Variants in PTPRZ1 observed in about 807,000 individuals in gnomAD.
PTPRZ1 encodes receptor-type tyrosine-protein phosphatase zeta.
A neutral mutation model predicts 214.1 loss-of-function variants in PTPRZ1; 82 were observed. The observed-to-expected ratio is 0.38, with a 90% confidence interval of 0.32 to 0.46. The LOEUF is 0.46. Among genes scored for constraint, PTPRZ1 ranks in the 20% least tolerant of loss-of-function variants. The pLI is 1.00. For missense variants in PTPRZ1, 2,603 were observed against 2,748.7 expected, an observed-to-expected ratio of 0.95 and a Z score of 1.19; for synonymous variants, 945 against 987.9, an observed-to-expected ratio of 0.96 and a Z score of 0.81.
intron 21 of PTPRZ1, among the ~76,000 whole-genome samples, chr7:122,042,197 C>T (rs1428518584): frequency 3.3e-5 from 5 of 152,150 alleles, no homozygotes; most frequent in Admixed American, 3.3e-4. Context: ...TACCTGGAAA[C>T]ATAGACCTAG....
intron 1 of PTPRZ1, among the ~76,000 whole-genome samples, chr7:121,916,910 G>A (rs890496280): frequency 3.3e-5 from 5 of 152,164 alleles, no homozygotes; most frequent in Non-Finnish European, 1.5e-5. Context: ...AAGTTCCATG[G>A]AGAATGCAAC....
chr7:121,968,181 T>A lies in PTPRZ1; in HGVS notation c.304+51T>A, dbSNP rs1187545595. ...TTTAATATATTTTTCAGACCTGGAG[T>A]ATGTTTAGACTAGTTTCATCTCATT... is the stretch of plus-strand genomic sequence containing the variant. On this transcript the variant is annotated intron_variant, in intron 3 of 29. Transcript: ENST00000393386. The A allele has an allele frequency of 6.8e-6, 10 of 1,477,404 alleles. No individual in the cohort carries two copies. The Admixed American group carries it at 1.2e-4, about 18-fold the overall frequency. 91.5% of individuals were successfully genotyped at this position (1,477,404 alleles called of 1,614,324 possible).
At chr7:122,046,060 G>T (rs911263488) in intron 23 of PTPRZ1, among the ~76,000 whole-genome samples, 2 of 152,124 alleles carry the variant, frequency 1.3e-5, no homozygotes, top group Admixed American at 6.5e-5. Context: ...GCGCAAACAA[G>T]AATTTGTAAA....
Position 122,039,586 on chromosome 7 carries a change from A to G in PTPRZ1, c.5635A>G (p.Lys1879Glu). Residue 1879 changes from lysine (K) to glutamate (E), a missense_variant and splice_region_variant, in exon 20 of 30, where the codon AAG becomes GAG. Lys to Glu is a moderately conservative substitution (Grantham distance 56). Transcript: ENST00000393386. ...TACTCTAAGAAACACAAAAATAAAA[A>G]AGGTGAGTCAACAAAATGATGGGCA... Reference protein sequence around the residue: ...NFTLRNTKIKKGSQKGRPSGR... With the variant: ...NFTLRNTKIKEGSQKGRPSGR... 1 of 1,613,184 alleles carries G rather than the reference A, an allele frequency of 6.2e-7. No individual in the cohort carries two copies. Among genetic ancestry groups the G allele is most frequent in the Non-Finnish European group, 8.5e-7 (1 of 1,179,790 alleles).
At chr7:121,909,954 A>G (rs747108906) in intron 1 of PTPRZ1, among the ~76,000 whole-genome samples, 2 of 152,174 alleles carry the variant, frequency 1.3e-5, no homozygotes, top group Non-Finnish European at 2.9e-5. Context: ...AACTACATGC[A>G]TGTCTAACAA....
chr7:121,942,628 A>G (rs1483361009), intron 2 of PTPRZ1, among the ~76,000 whole-genome samples: 1 of 152,204 alleles, frequency 6.6e-6, no homozygotes, highest in Non-Finnish European at 1.5e-5. Flanking sequence ...AGTCTCATTG[A>G]TGAGTTTTTA....
Position 122,034,282 on chromosome 7 carries a change from G to A in PTPRZ1, c.5188G>A (p.Glu1730Lys). 1.2e-6 allele frequency: 2 copies of A among 1,611,090 alleles called. No homozygotes were observed. The highest frequency in any genetic ancestry group is 1.7e-6 in the Non-Finnish European group (2 of 1,178,710). The change falls in exon 17 of 30, where the codon GAA becomes AAA. Residue 1730 changes from glutamate (E) to lysine (K), a missense_variant and splice_region_variant. Glu to Lys is a moderately conservative substitution (Grantham distance 56). Around this residue, in one of 6 missense-constraint regions of PTPRZ1, gnomAD observed 1,913 missense variants for 1,914.3 expected, o/e 1.00. Coordinates refer to ENST00000393386, the MANE Select transcript of PTPRZ1 (RefSeq NM_002851.3). Reference protein sequence around the residue: ...EFETLKEFYQEVQSCTVDLGI... With the variant: ...EFETLKEFYQKVQSCTVDLGI... ...ATGATTTACATATAATTTTTTACAG[G>A]AAGTGCAGAGCTGTACTGTTGACTT...
intron 6 of PTPRZ1, among the ~76,000 whole-genome samples, chr7:121,983,298 G>A (rs756464461): frequency 2.0e-4 from 30 of 152,094 alleles, no homozygotes; most frequent in African/African-American, 2.7e-4. Flanking sequence ...ACTAGTACAG[G>A]CTTTGATGAT....
chr7:122,045,335 G>A (rs973069866), intron 23 of PTPRZ1, among the ~76,000 whole-genome samples: 2 of 152,100 alleles, frequency 1.3e-5, no homozygotes, highest in Non-Finnish European at 2.9e-5. Context: ...GAAGAATTTG[G>A]AAGACCTTAG....
intron 1 of PTPRZ1, among the ~76,000 whole-genome samples, chr7:121,886,849 T>C (rs1794413720): frequency 6.6e-6 from 1 of 152,144 alleles, no homozygotes; most frequent in African/African-American, 2.4e-5. Context: ...TTTTTTCTAC[T>C]CATCAGGGGA....
chr7:122,034,942 C>T (rs75556825), intron 17 of PTPRZ1, among the ~76,000 whole-genome samples: 3 of 152,122 alleles, frequency 2.0e-5, no homozygotes, highest in East Asian at 3.9e-4. Flanking sequence ...TGCAATTTTA[C>T]GTAATATTTC....
Position 122,061,212 on chromosome 7 carries a change from T to C in PTPRZ1, c.6940T>C (p.Leu2314=). ...DGNIAESLES[L]V ...AAATATAGCTGAGAGCTTAGAGTCTTTAGTTTAACACAGAAAGGGGTGGGG... is the reference window on the plus strand; with the variant it reads ...AAATATAGCTGAGAGCTTAGAGTCTCTAGTTTAACACAGAAAGGGGTGGGG... The change falls in exon 30 of 30, where the codon TTA becomes CTA. Residue 2314 remains leucine, a synonymous_variant. Coordinates refer to ENST00000393386, the MANE Select transcript of PTPRZ1 (RefSeq NM_002851.3). The C allele has an allele frequency of 6.3e-7, 1 of 1,596,814 alleles. No homozygotes were observed. Among genetic ancestry groups the C allele is most frequent in the Non-Finnish European group, 8.5e-7 (1 of 1,170,240 alleles).
At chr7:121,919,337 T>G (rs913910778) in intron 1 of PTPRZ1, among the ~76,000 whole-genome samples, 1 of 152,080 alleles carries the variant, frequency 6.6e-6, no homozygotes, top group African/African-American at 2.4e-5. Flanking sequence ...TTCTTAAAAC[T>G]TCTGTGCTCA....
rs1799729284 is a variant in PTPRZ1, at chr7:122,041,392, G to A, written c.5801+413G>A. ...ATTATTATGCCAGGCTTGTATCACA[G>A]AAGCCAAAGCACACAGATTGTGAGA... On this transcript the variant is annotated intron_variant, in intron 21 of 29. Coordinates refer to ENST00000393386, the MANE Select transcript of PTPRZ1 (RefSeq NM_002851.3). 2.0e-5 allele frequency among the ~76,000 whole-genome samples: 3 copies of A among 148,532 alleles called. No homozygotes were observed. The South Asian group carries it at 6.3e-4, about 31-fold the overall frequency.
At chr7:121,952,997 AT>A (rs1401066017) in intron 2 of PTPRZ1, among the ~76,000 whole-genome samples, 9 of 152,210 alleles carry the variant, frequency 5.9e-5, no homozygotes, top group East Asian at 5.8e-4. Context: ...TAAAAAAAAA[AT>A]AAGTGGAAAT....
chr7:121,910,498 A>T (rs1031334915), intron 1 of PTPRZ1, among the ~76,000 whole-genome samples: 1 of 152,070 alleles, frequency 6.6e-6, no homozygotes, highest in Non-Finnish European at 1.5e-5. Flanking sequence ...ATATATATAT[A>T]TGAAACATAT....
chr7:121,908,742 G>A (rs1291414633), intron 1 of PTPRZ1: 1 of 490,690 alleles, frequency 2.0e-6, no homozygotes, highest in Non-Finnish European at 4.0e-6. Context: ...TACATTTCAG[G>A]CTAGAATAAC....
intron 1 of PTPRZ1, among the ~76,000 whole-genome samples, chr7:121,903,928 C>A (rs924384573): frequency 8.6e-5 from 13 of 150,438 alleles, no homozygotes; most frequent in Admixed American, 4.0e-4. Flanking sequence ...AAAAGTTAAT[C>A]TGAAATGTAT....
intron 22 of PTPRZ1, among the ~76,000 whole-genome samples, chr7:122,043,329 C>T (rs1799787432): frequency 6.6e-6 from 1 of 152,120 alleles, no homozygotes; most frequent in Non-Finnish European, 1.5e-5. Flanking sequence ...CAGCAAAAGT[C>T]TAAGTAGAGT....
Sources: allele counts gnomAD v4.1 joint callset (sites outside exome capture counted in the v4.1 genomes callset), GRCh38; gene constraint gnomAD v4.1.1; regional missense constraint gnomAD v4.1.1; transcripts MANE v1.5; gene names NCBI Gene and HGNC (gene_info 2026-07-23, HGNC 2026-07-21).